Variants in NFIC observed in about 807,000 individuals in gnomAD.
The protein encoded by NFIC is nuclear factor I C, also known as nuclear factor 1 C-type.
A neutral mutation model predicts 54.4 loss-of-function variants in NFIC; 12 were observed. The observed-to-expected ratio is 0.22, with a 90% CI of 0.14 to 0.36. The LOEUF is 0.36. Ranked by LOEUF, NFIC falls within the 10% of genes least tolerant of loss-of-function variation. The pLI, the probability that NFIC is intolerant of heterozygous loss-of-function variation, is 1.00. For synonymous variants in NFIC, 322 were observed against 319.2 expected, an observed-to-expected ratio of 1.01 and a Z score of -0.09; for missense variants, 575 against 718.2, an observed-to-expected ratio of 0.80 and a Z score of 2.28.
Position 3,464,517 on chromosome 19 carries a change from C to T in NFIC, c.*1748C>T. 1.0e-6 allele frequency: 1 copy of T among 976,364 alleles called. No individual in the cohort carries two copies. Among genetic ancestry groups the T allele is most frequent in the South Asian group, 4.8e-5 (1 of 20,996 alleles). The allele number at this position is 976,364 out of a possible 1,614,324, so 60.5% of individuals were successfully genotyped here. On this transcript the variant is annotated 3_prime_UTR_variant, in exon 11 of 11. Coordinates refer to ENST00000443272, the MANE Select transcript of NFIC (RefSeq NM_001245002.2). ...GGCCACCGAGCTCAAACACAAGGACCCCTCCCCGGCCCACCCAGCCCAGCC... is the reference window on the plus strand; with the variant it reads ...GGCCACCGAGCTCAAACACAAGGACTCCTCCCCGGCCCACCCAGCCCAGCC...
chr19:3,430,905 C>T (rs2082109137), intron 3 of NFIC, among the ~76,000 whole-genome samples: 1 of 140,158 alleles, frequency 7.1e-6, no homozygotes, highest in East Asian at 2.1e-4. Context: ...GCACTCCAGC[C>T]TGGGCGACAG....
chr19:3,359,703 C>T, intron 1 of NFIC: 4 of 1,427,782 alleles, frequency 2.8e-6, no homozygotes, highest in Non-Finnish European at 3.7e-6. Flanking sequence ...GCCGCACCCA[C>T]TTTCGTTTTC....
intron 3 of NFIC, among the ~76,000 whole-genome samples, chr19:3,427,567 G>A (rs1194760084): frequency 6.6e-6 from 1 of 152,010 alleles, no homozygotes; most frequent in Non-Finnish European, 1.5e-5. Flanking sequence ...GGTGGCTCAC[G>A]CCTGTAATCC....
chr19:3,365,223 C>T (rs1056931080), upstream of NFIC, among the ~76,000 whole-genome samples: 1 of 152,200 alleles, frequency 6.6e-6, no homozygotes, highest in Non-Finnish European at 1.5e-5. Context: ...CCTGGGGCAC[C>T]TGCCCCAGCT....
At chr19:3,390,496 C>G (rs1482830775) in intron 2 of NFIC, among the ~76,000 whole-genome samples, 2 of 152,126 alleles carry the variant, frequency 1.3e-5, no homozygotes, top group African/African-American at 4.8e-5. Flanking sequence ...AGGATCACAC[C>G]CCTCTGCTCT....
chr19:3,431,809 T>C (rs888407394), intron 3 of NFIC, among the ~76,000 whole-genome samples: 2 of 152,242 alleles, frequency 1.3e-5, no homozygotes, highest in African/African-American at 2.4e-5. Context: ...CGGCATCCTT[T>C]TCACGGCTGA....
At chr19:3,367,479 C>A (rs981693277) in intron 1 of NFIC, among the ~76,000 whole-genome samples, 1 of 82,968 alleles carries the variant, frequency 1.2e-5, no homozygotes, top group African/African-American at 2.8e-5. Context: ...CCGTCCCCTC[C>A]CCCTCCCCCT....
chr19:3,375,724 G>A lies in NFIC; in HGVS notation c.31-5988G>A, dbSNP rs1430548853. 6.6e-6 allele frequency among the ~76,000 whole-genome samples: 1 copy of A among 152,186 alleles called. No homozygotes were observed. The highest frequency in any genetic ancestry group is 1.5e-5 in the Non-Finnish European group (1 of 68,030). ...TATTTTCAGAGCCTCAGTAATAGGT[G>A]AAATCTGATGTCCTGCCCCTCCCCC... is the stretch of plus-strand genomic sequence containing the variant. On this transcript the variant is annotated intron_variant, in intron 1 of 10. Coordinates refer to ENST00000443272, the MANE Select transcript of NFIC (RefSeq NM_001245002.2). The surrounding 1 kb of genome is among the most constrained non-coding windows in gnomAD (Gnocchi z 4.6).
chr19:3,451,820 A>G (rs1599718106), intron 7 of NFIC, among the ~76,000 whole-genome samples: 2 of 150,006 alleles, frequency 1.3e-5, no homozygotes, highest in East Asian at 2.0e-4. Flanking sequence ...TTTAAAAAAA[A>G]AAAAAAAAAG....
chr19:3,382,347 T>A (rs1218896306), intron 2 of NFIC, 104 bp downstream of exon 2: 1 of 1,462,776 alleles, frequency 6.8e-7, no homozygotes, highest in East Asian at 2.3e-5. Flanking sequence ...CGTGTGGGTA[T>A]GATGTGGTGG....
chr19:3,403,034 A>G (rs1023592286), intron 2 of NFIC, among the ~76,000 whole-genome samples: 8 of 152,326 alleles, frequency 5.3e-5, no homozygotes, highest in East Asian at 3.9e-4. Flanking sequence ...GCTGTATACC[A>G]GATCCTATCA....
chr19:3,368,126 G>T (rs1011830759), intron 1 of NFIC, among the ~76,000 whole-genome samples: 1 of 152,144 alleles, frequency 6.6e-6, no homozygotes, highest in Non-Finnish European at 1.5e-5. Context: ...ACTAGGGTTC[G>T]AGTGGGCACG....
At chr19:3,365,231 G>C (rs2080865500), upstream of NFIC, among the ~76,000 whole-genome samples, 1 of 152,230 alleles carries the variant, frequency 6.6e-6, no homozygotes, top group East Asian at 1.9e-4. Flanking sequence ...ACCTGCCCCA[G>C]CTTGGTGAGA....
At position 3,458,432 on chromosome 19, in the gene NFIC, C is replaced by T. The variant is rs1024719518; in HGVS notation, c.1509+1797C>T. ...TCCCCAGCCTCTGCCTTGGACCAAA[C>T]TCTCTGACCAGGCCCTCCCGCCAGG... On this transcript the variant is annotated intron_variant, in intron 10 of 10. Transcript: ENST00000443272. The surrounding 1 kb of genome is among the most constrained non-coding windows in gnomAD (Gnocchi z 4.1). Among the ~76,000 whole-genome samples the T allele has an allele frequency of 2.0e-5, 3 of 152,160 alleles. No homozygotes were observed. Among genetic ancestry groups the T allele is most frequent in the Admixed American group, 1.3e-4 (2 of 15,278 alleles).
rs770124061 is a variant in NFIC, at chr19:3,425,088, T to C, written c.563-18T>C. 1.2e-5 allele frequency: 20 copies of C among 1,613,036 alleles called. No homozygotes were observed. Among genetic ancestry groups the C allele is most frequent in the Non-Finnish European group, 1.7e-5 (20 of 1,179,786 alleles). ...GGGTCTCTGTGATGCCACCAGTGTT[T>C]CTTCCCTCTCTTTGCAGATGCAGAG... On this transcript the variant is annotated intron_variant, in intron 2 of 10. Transcript: ENST00000443272.
intron 1 of NFIC, chr19:3,359,748 G>A (rs1170289057): frequency 1.5e-6 from 2 of 1,370,122 alleles, no homozygotes; most frequent in Non-Finnish European, 1.9e-6. Flanking sequence ...CGTGGGCTCC[G>A]GGCGAAAGTT....
At chr19:3,456,429 G>A (rs1435902405) in intron 9 of NFIC, 121 bp from the exon 10 acceptor site, 15 of 910,234 alleles carry the variant, frequency 1.6e-5, no homozygotes, top group Non-Finnish European at 2.5e-5. Context: ...GAGGCCCCAG[G>A]CACTGGGTGC....
At chr19:3,405,719 C>A (rs2081638124) in intron 2 of NFIC, among the ~76,000 whole-genome samples, 1 of 151,760 alleles carries the variant, frequency 6.6e-6, no homozygotes, top group African/African-American at 2.4e-5. Context: ...CCTGTCTCAG[C>A]CTCTTGAGTA....
chr19:3,411,372 G>GA (rs1360735565), intron 2 of NFIC, among the ~76,000 whole-genome samples: 1 of 123,388 alleles, frequency 8.1e-6, no homozygotes, highest in Non-Finnish European at 1.6e-5. Flanking sequence ...CTGTTGCCCA[G>GA]GCTAGAGTGC....
Sources: gnomAD v4.1 joint callset for allele counts (sites outside exome capture counted in the v4.1 genomes callset) on GRCh38, gnomAD v4.1.1 for gene constraint, Gnocchi (gnomAD v3.1) non-coding constraint, MANE v1.5 for transcripts, NCBI Gene and HGNC (gene_info 2026-07-23, HGNC 2026-07-21) for gene names.